The following CD74 variants were observed in gnomAD, a reference collection of about 807,000 sequenced individuals.
The protein encoded by CD74 is CD74 molecule.
Under a neutral mutation model 37.1 loss-of-function variants are expected in CD74, and 20 were observed. That is an observed-to-expected ratio of 0.54 (90% CI 0.38 to 0.78). The LOEUF (loss-of-function observed/expected upper bound fraction) is 0.78. Among genes scored for constraint, CD74 ranks in the 30% least tolerant of loss-of-function variants. The pLI is 0.00. For synonymous variants in CD74, 150 were observed against 152.0 expected, an observed-to-expected ratio of 0.99 and a Z score of 0.10; for missense variants, 338 against 389.5, an observed-to-expected ratio of 0.87 and a Z score of 1.11.
Position 150,402,090 on chromosome 5 carries a change from CTT to C in CD74, c.*148_*149del. Reference sequence around the variant, plus strand: ...TATCTGCTGTTCCGACTTGGTTTGTCTTGTCCAAGGGTGACGAAAGAGCCAGG... The same window carrying C: ...TATCTGCTGTTCCGACTTGGTTTGTCGTCCAAGGGTGACGAAAGAGCCAGG... On this transcript the variant is annotated 3_prime_UTR_variant, in exon 9 of 9. Coordinates refer to ENST00000009530, the MANE Select transcript of CD74 (RefSeq NM_001025159.3). This position sits in a 1 kb window ranked among gnomAD's most constrained non-coding sequence, Gnocchi z 4.2. The C allele has an allele frequency of 6.5e-7, 1 of 1,543,708 alleles. No individual in the cohort carries two copies. Among genetic ancestry groups the C allele is most frequent in the Non-Finnish European group, 8.7e-7 (1 of 1,146,808 alleles).
intron 1 of CD74, among the ~76,000 whole-genome samples, chr5:150,408,060 T>C (rs1006610623): frequency 2.6e-5 from 4 of 152,052 alleles, no homozygotes; most frequent in Non-Finnish European, 5.9e-5. Context: ...TTGTTTTTTT[T>C]TTCTGCTGGC....
intron 5 of CD74, 74 bp downstream of exon 5, chr5:150,405,011 T>G: frequency 5.5e-5 from 35 of 631,980 alleles, no homozygotes; most frequent in Non-Finnish European, 8.2e-5. Context: ...CAGCCCACCC[T>G]CACCCCACCT....
chr5:150,406,952 G>A lies in CD74; in HGVS notation c.307C>T (p.Pro103Ser). ...GTGGCCATGCGCATCTTGCTCACAG[G>A]CTTGGGAGCTGTGGGGACAGGAACG... ...LRMKLPKPPK[P>S]VSKMRMATPL... Residue 103 changes from proline to serine, a missense_variant, in exon 3 of 9, where the codon CCT (proline) becomes TCT (serine). Pro to Ser is a moderately conservative substitution (Grantham distance 74). Coordinates refer to ENST00000009530, the MANE Select transcript of CD74 (RefSeq NM_001025159.3). 1 of 1,569,326 alleles carries A rather than the reference G, an allele frequency of 6.4e-7. No homozygotes were observed. Among genetic ancestry groups the A allele is most frequent in the Non-Finnish European group, 8.6e-7 (1 of 1,164,522 alleles).
In CD74 at chr5:150,405,193, A is replaced by G. The variant is rs1769885995; in HGVS notation, c.442-13T>C. The G allele has an allele frequency of 6.4e-7, 1 of 1,570,238 alleles. No individual in the cohort carries two copies. The highest frequency in any genetic ancestry group is 1.4e-5 in the African/African-American group (1 of 72,662). ...GGGGGTCAGCATTCTACAGGGTAGC[A>G]GGGCAGGAAGGATGGTTCAAGAAGA... On this transcript the variant is annotated splice_polypyrimidine_tract_variant and intron_variant, in intron 4 of 8. Transcript: ENST00000009530.
chr5:150,405,019 C>T (rs2151177794), intron 5 of CD74, 66 bp downstream of exon 5: 2 of 1,415,690 alleles, frequency 1.4e-6, no homozygotes, highest in East Asian at 2.3e-5. Flanking sequence ...CCTCACCCCA[C>T]CTCTCCTAGC....
At chr5:150,412,385 C>T (rs981110190) in intron 1 of CD74, among the ~76,000 whole-genome samples, 7 of 152,198 alleles carry the variant, frequency 4.6e-5, no homozygotes, top group Non-Finnish European at 1.5e-5. Flanking sequence ...CAGAAGGAGG[C>T]GGTGTGATGC....
chr5:150,412,330 G>A (rs1770391170), intron 1 of CD74, among the ~76,000 whole-genome samples: 1 of 152,332 alleles, frequency 6.6e-6, no homozygotes, highest in East Asian at 1.9e-4. Flanking sequence ...CCCCTGCATA[G>A]CATGTGAAAC....
At position 150,412,764 on chromosome 5, in the gene CD74, C is replaced by T; in HGVS notation, c.-15G>A. On this transcript the variant is annotated 5_prime_UTR_variant, in exon 1 of 9. Transcript: ENST00000009530. ...CTCCTGTGCATCTGGGACCCTGACC[C>T]CCCGGCTCGCCTCTTAAAGTCGGTG... 2.5e-6 allele frequency: 4 copies of T among 1,613,700 alleles called. No homozygotes were observed. Among genetic ancestry groups the T allele is most frequent in the Non-Finnish European group, 3.4e-6 (4 of 1,179,852 alleles).
At chr5:150,410,655 A>C (rs924804927) in intron 1 of CD74, among the ~76,000 whole-genome samples, 2 of 147,004 alleles carry the variant, frequency 1.4e-5, no homozygotes. Context: ...TTATTTCCTC[A>C]TTTACACTAC....
chr5:150,406,937 G>A lies in CD74; in HGVS notation c.322C>T (p.Arg108Cys), dbSNP rs368019468. The A allele has an allele frequency of 7.7e-6, 12 of 1,557,356 alleles. No homozygotes were observed. The highest frequency in any genetic ancestry group is 1.4e-5 in the African/African-American group (1 of 72,272). The change falls in exon 3 of 9, where the codon CGC becomes TGC. Residue 108 changes from arginine (R) to cysteine (C), a missense_variant. Transcript: ENST00000009530. The stretch of plus-strand genomic sequence containing the variant: ...TGCATCAGCAGCGGGGTGGCCATGC[G>A]CATCTTGCTCACAGGCTTGGGAGCT... ...PKPPKPVSKMRMATPLLMQAL... is the reference protein window; with the variant it reads ...PKPPKPVSKMCMATPLLMQAL...
In CD74 at chr5:150,401,876, G is replaced by T. The variant is rs763496760; in HGVS notation, c.*364C>A. On this transcript the variant is annotated 3_prime_UTR_variant, in exon 9 of 9. Transcript: ENST00000009530. ...AGGACAGTCAGCATGTCCAGCCTGG[G>T]GTCTGGGTGTAGGGTTATCCCTTCT... The T allele has an allele frequency of 1.5e-5, 11 of 714,754 alleles. No individual in the cohort carries two copies. Among genetic ancestry groups the T allele is most frequent in the East Asian group, 2.7e-5 (1 of 37,248 alleles). 44.3% of individuals were successfully genotyped at this position (714,754 alleles called of 1,614,324 possible).
At chr5:150,409,252 C>T (rs963288021) in intron 1 of CD74, among the ~76,000 whole-genome samples, 8 of 147,902 alleles carry the variant, frequency 5.4e-5, no homozygotes, top group African/African-American at 1.3e-4. Context: ...CTAGGCCGGG[C>T]GCGGTGGCTC....
chr5:150,405,957 TAG>T (rs370754300), intron 4 of CD74: 13 of 251,152 alleles, frequency 5.2e-5, no homozygotes, highest in African/African-American at 2.4e-4. Context: ...GTATTTTTAG[TAG>T]AGACTTTCAC....
intron 6 of CD74, among the ~76,000 whole-genome samples, chr5:150,404,169 TACATA>T (rs1769806005): frequency 6.6e-6 from 1 of 152,204 alleles, no homozygotes; most frequent in Non-Finnish European, 1.5e-5. Flanking sequence ...TGTCCAAAGT[TACATA>T]GCAAATTAGA....
intron 1 of CD74, among the ~76,000 whole-genome samples, chr5:150,411,571 T>A (rs1770342936): frequency 6.6e-6 from 1 of 152,206 alleles, no homozygotes; most frequent in Non-Finnish European, 1.5e-5. Context: ...ATTGGGGTAA[T>A]AGCCTTCTAG....
chr5:150,409,672 G>A (rs1056848423), intron 1 of CD74, among the ~76,000 whole-genome samples: 2 of 132,742 alleles, frequency 1.5e-5, no homozygotes, highest in African/African-American at 5.9e-5. Context: ...CATCCTGGGG[G>A]ATAGAGTGAG....
chr5:150,404,837 C>G, intron 5 of CD74, 70 bp from the exon 6 acceptor site: 1 of 1,144,856 alleles, frequency 8.7e-7, no homozygotes, highest in Non-Finnish European at 1.3e-6. Flanking sequence ...TGGCTTTGCC[C>G]CTGGGGACAG....
At chr5:150,409,147 C>G (rs549990054) in intron 1 of CD74, among the ~76,000 whole-genome samples, 9 of 150,104 alleles carry the variant, frequency 6.0e-5, no homozygotes, top group South Asian at 2.1e-4. Flanking sequence ...CACTTGAACC[C>G]GGGAGGCGGA....
Position 150,407,173 on chromosome 5 carries a change from G to C in CD74, c.277C>G (p.Leu93Val), listed in dbSNP as rs1366871337. The C allele has an allele frequency of 1.2e-6, 2 of 1,613,862 alleles. No individual in the cohort carries two copies. Among genetic ancestry groups the C allele is most frequent in the Non-Finnish European group, 1.7e-6 (2 of 1,179,952 alleles). Residue 93 changes from leucine (L) to valine (V), a missense_variant, in exon 2 of 9, where the codon CTG (leucine) becomes GTG (valine). Transcript: ENST00000009530. This position sits in a 1 kb window ranked among gnomAD's most constrained non-coding sequence, Gnocchi z 4.4. ...VTSQNLQLEN[L>V]RMKLPKPPKP... ...GCACGCTTGGGAAGCTTCATGCGCA[G>C]GTTCTCCAGCTGCAGGTTCTGGGAG...
Sources: allele counts gnomAD v4.1 joint callset (sites outside exome capture counted in the v4.1 genomes callset), GRCh38; gene constraint gnomAD v4.1.1; non-coding constraint Gnocchi (gnomAD v3.1); transcripts MANE v1.5; gene names NCBI Gene and HGNC (gene_info 2026-07-23, HGNC 2026-07-21).